The following LARGE1 variants were observed in gnomAD, a reference collection of about 807,000 sequenced individuals.
LARGE1 encodes the protein xylosyl- and glucuronyltransferase LARGE1.
Under a neutral mutation model 87.6 loss-of-function variants are expected in LARGE1, and 43 were observed. The observed-to-expected ratio is 0.49, with a 90% CI of 0.38 to 0.63. The LOEUF (loss-of-function observed/expected upper bound fraction) is 0.63, where lower values mean the gene tolerates loss of function less well. LARGE1 is among the 30% of genes least tolerant of loss of function. The probability of loss-of-function intolerance (pLI) is 0.00; values close to 1 mark genes in which losing one functional copy is unlikely to be tolerated. For synonymous variants in LARGE1, 434 were observed against 394.6 expected, an observed-to-expected ratio of 1.10 and a Z score of -1.18; for missense variants, 802 against 1,000.2, an observed-to-expected ratio of 0.80 and a Z score of 2.67.
chr22:33,258,941 G>A (rs1302612367), intron 11 of LARGE1, among the ~76,000 whole-genome samples: 3 of 150,716 alleles, frequency 2.0e-5, no homozygotes, highest in East Asian at 2.0e-4. Flanking sequence ...ACAGTGGCAC[G>A]ATCTTGGCTC....
At chr22:33,491,975 T>C (rs1279742862) in intron 6 of LARGE1, among the ~76,000 whole-genome samples, 1 of 152,088 alleles carries the variant, frequency 6.6e-6, no homozygotes, top group East Asian at 1.9e-4. Context: ...CCACAAATGG[T>C]AAGAAGAGTT....
chr22:33,397,740 A>G (rs1010791520), intron 7 of LARGE1, among the ~76,000 whole-genome samples: 1 of 152,194 alleles, frequency 6.6e-6, no homozygotes, highest in African/African-American at 2.4e-5. Context: ...GCTCAGGTTA[A>G]GTAGATATTG....
intron 1 of LARGE1, among the ~76,000 whole-genome samples, chr22:33,906,514 T>C (rs952263857): frequency 6.6e-6 from 1 of 152,222 alleles, no homozygotes; most frequent in Non-Finnish European, 1.5e-5. Flanking sequence ...AAAATGAAAC[T>C]ACTCAGCTTA....
intron 13 of LARGE1, among the ~76,000 whole-genome samples, chr22:33,282,839 C>A (rs186077288): frequency 6.6e-6 from 1 of 152,244 alleles, no homozygotes; most frequent in Non-Finnish European, 1.5e-5. Context: ...AATGAATGGA[C>A]AAGCACACAA....
chr22:33,762,031 C>G (rs1296878632), intron 1 of LARGE1, among the ~76,000 whole-genome samples: 1 of 151,830 alleles, frequency 6.6e-6, no homozygotes, highest in African/African-American at 2.4e-5. Flanking sequence ...AGCTGGCCAA[C>G]ATGGTGAAAC....
At chr22:33,120,493 C>T in the LARGE1 span, among the ~76,000 whole-genome samples, 1 of 148,194 alleles carries the variant, frequency 6.7e-6, no homozygotes, top group Non-Finnish European at 1.5e-5. Flanking sequence ...TCCTTCCTTT[C>T]TTTCCTTCTT....
chr22:33,782,229 T>C (rs1048413352), intron 1 of LARGE1, among the ~76,000 whole-genome samples: 2 of 152,206 alleles, frequency 1.3e-5, no homozygotes, highest in East Asian at 3.9e-4. Flanking sequence ...GCAAGGTTCA[T>C]GACTGAGACG....
intron 11 of LARGE1, among the ~76,000 whole-genome samples, chr22:33,255,994 T>C (rs1194718850): frequency 6.6e-6 from 1 of 152,192 alleles, no homozygotes; most frequent in East Asian, 1.9e-4. Flanking sequence ...CTGACCTGTT[T>C]CTTTCATTTC....
chr22:33,373,282 T>C (rs1450605675), intron 9 of LARGE1, among the ~76,000 whole-genome samples: 1 of 152,208 alleles, frequency 6.6e-6, no homozygotes, highest in East Asian at 1.9e-4. Context: ...GAAGTACTGA[T>C]CTGCTCTTAG....
chr22:33,736,736 T>G (rs2083669092), intron 2 of LARGE1, among the ~76,000 whole-genome samples: 1 of 152,358 alleles, frequency 6.6e-6, no homozygotes, highest in South Asian at 2.1e-4. Context: ...TTTACTCTTA[T>G]GTTTCCTTCT....
At chr22:33,870,087 T>C (rs2064229342) in intron 1 of LARGE1, among the ~76,000 whole-genome samples, 1 of 152,212 alleles carries the variant, frequency 6.6e-6, no homozygotes, top group South Asian at 2.1e-4. Flanking sequence ...GATGAGGTCA[T>C]AGTGGAGAAG....
chr22:33,299,322 G>A (rs1933826162), intron 12 of LARGE1, among the ~76,000 whole-genome samples: 1 of 151,940 alleles, frequency 6.6e-6, no homozygotes, highest in South Asian at 2.1e-4. Flanking sequence ...GAGGGGAGGG[G>A]AAAAGAGGGA....
At chr22:33,220,919 G>A (rs1291118173) in intron 11 of LARGE1, among the ~76,000 whole-genome samples, 1 of 152,104 alleles carries the variant, frequency 6.6e-6, no homozygotes, top group Non-Finnish European at 1.5e-5. Context: ...CATGGTTAGA[G>A]CAAGGATTCT....
intron 6 of LARGE1, among the ~76,000 whole-genome samples, chr22:33,527,985 A>G (rs1352803491): frequency 6.6e-6 from 1 of 152,118 alleles, no homozygotes; most frequent in African/African-American, 2.4e-5. Context: ...GCTCTGTAAC[A>G]TCAGAATATT....
intron 11 of LARGE1, among the ~76,000 whole-genome samples, chr22:33,212,651 G>A (rs985634693): frequency 5.9e-5 from 9 of 152,198 alleles, no homozygotes; most frequent in Admixed American, 1.3e-4. Context: ...CATAGACAGT[G>A]ATTCCTCTGA....
At chr22:33,400,359 T>C (rs533099751) in intron 7 of LARGE1, among the ~76,000 whole-genome samples, 3 of 152,174 alleles carry the variant, frequency 2.0e-5, no homozygotes, top group East Asian at 3.9e-4. Context: ...CTGGGGTAGA[T>C]GCAGTAGCAT....
At chr22:33,285,669 G>A (rs1297738173) in intron 12 of LARGE1, among the ~76,000 whole-genome samples, 1 of 152,002 alleles carries the variant, frequency 6.6e-6, no homozygotes, top group Non-Finnish European at 1.5e-5. Flanking sequence ...CTCCATTGCT[G>A]TATTATTAAA....
At chr22:33,317,545 TTAAC>T (rs2146319351) in intron 10 of LARGE1, among the ~76,000 whole-genome samples, 1 of 152,298 alleles carries the variant, frequency 6.6e-6, no homozygotes, top group African/African-American at 2.4e-5. Context: ...TAGAAGTTGT[TTAAC>T]TAGCTGTACT....
At chr22:33,732,705 T>C (rs928685865) in intron 2 of LARGE1, 5 of 152,172 alleles carry the variant, frequency 3.3e-5, no homozygotes, top group Non-Finnish European at 7.4e-5. Flanking sequence ...AAAGATTGAA[T>C]GTATAGGGCT....
Sources: allele counts gnomAD v4.1 joint callset (sites outside exome capture counted in the v4.1 genomes callset), GRCh38; gene constraint gnomAD v4.1.1; transcripts MANE v1.5; gene names NCBI Gene and HGNC (gene_info 2026-07-23, HGNC 2026-07-21).